The following CNEP1R1 variants were observed in gnomAD, a reference collection of about 807,000 sequenced individuals.
CNEP1R1 encodes CTD nuclear envelope phosphatase 1 regulatory subunit 1, also known as nuclear envelope phosphatase-regulatory subunit 1.
A neutral mutation model predicts 22.7 loss-of-function variants in CNEP1R1; 10 were observed. That is an observed-to-expected ratio of 0.44 (90% CI 0.27 to 0.75). The LOEUF (loss-of-function observed/expected upper bound fraction) is 0.75, where lower values mean the gene tolerates loss of function less well. CNEP1R1 is among the 30% of genes least tolerant of loss of function. The pLI is 0.17. For missense variants in CNEP1R1, 73 were observed against 151.5 expected (o/e 0.48, Z 2.72); for synonymous variants, 53 against 50.1 (o/e 1.06, Z -0.25).
In CNEP1R1 at chr16:50,035,778, T is replaced by C. The variant is rs2144285484; in HGVS notation, c.*320T>C. On this transcript the variant is annotated 3_prime_UTR_variant, in exon 6 of 6. Coordinates refer to ENST00000427478, the MANE Select transcript of CNEP1R1 (RefSeq NM_001281789.2). ...ACCTCATTCAGTTTTTATAATGTAT[T>C]TTTGCAAACTACTGTAAATAGCAAA... is the stretch of plus-strand genomic sequence containing the variant. 1 of 236,840 alleles carries C rather than the reference T, an allele frequency of 4.2e-6. No individual in the cohort carries two copies. Among genetic ancestry groups the C allele is most frequent in the East Asian group, 9.4e-5 (1 of 10,676 alleles). The allele number at this position is 236,840 out of a possible 1,614,324, so 14.7% of individuals were successfully genotyped here. A position where few individuals can be genotyped will look rare whatever the true frequency, so the allele number is the denominator to read the frequency against.
intron 3 of CNEP1R1, among the ~76,000 whole-genome samples, chr16:50,031,659 T>C (rs897579950): frequency 6.6e-6 from 1 of 152,220 alleles, no homozygotes; most frequent in African/African-American, 2.4e-5. Context: ...ACTATTCGCC[T>C]AAGGGTTGGC....
chr16:50,026,017 A>C, intron 1 of CNEP1R1: 1 of 454,628 alleles, frequency 2.2e-6, no homozygotes, highest in Non-Finnish European at 3.9e-6. Context: ...ACGTGGTTCT[A>C]ATAGGAAGTT....
At chr16:50,025,385 C>G in intron 1 of CNEP1R1, 45 bp downstream of exon 1, 1 of 1,424,812 alleles carries the variant, frequency 7.0e-7, no homozygotes, top group African/African-American at 1.5e-5. Flanking sequence ...CCCTCGGAAG[C>G]TGGCGGTGCT....
intron 3 of CNEP1R1, among the ~76,000 whole-genome samples, chr16:50,030,263 A>G (rs1278946825): frequency 6.6e-6 from 1 of 152,064 alleles, no homozygotes; most frequent in Non-Finnish European, 1.5e-5. Context: ...GTCATATAGC[A>G]AGACCCCATC....
intron 2 of CNEP1R1, among the ~76,000 whole-genome samples, chr16:50,027,787 G>C (rs1406083488): frequency 6.6e-6 from 1 of 151,972 alleles, no homozygotes; most frequent in African/African-American, 2.4e-5. Flanking sequence ...TTTGAAGTCT[G>C]ACCTAGAAAA....
intron 3 of CNEP1R1, among the ~76,000 whole-genome samples, chr16:50,030,087 C>G (rs1222029280): frequency 2.0e-5 from 3 of 151,982 alleles, no homozygotes; most frequent in Non-Finnish European, 4.4e-5. Flanking sequence ...TTTTATATCT[C>G]TCATTTTTAC....
chr16:50,034,035 G>A (rs1452401290), intron 4 of CNEP1R1, 67 bp from the exon 5 acceptor site: 31 of 1,223,752 alleles, frequency 2.5e-5, no homozygotes, highest in Non-Finnish European at 3.5e-5. Context: ...ACAGGCTTGA[G>A]CCACCGCACC....
At chr16:50,031,517 G>T (rs2036231023) in intron 3 of CNEP1R1, among the ~76,000 whole-genome samples, 1 of 152,176 alleles carries the variant, frequency 6.6e-6, no homozygotes, top group African/African-American at 2.4e-5. Context: ...AAATGAGTCT[G>T]ACTTCTAATT....
At chr16:50,026,700 C>T (rs2036186981) in intron 2 of CNEP1R1, 1 of 469,798 alleles carries the variant, frequency 2.1e-6, no homozygotes, top group East Asian at 3.8e-5. Flanking sequence ...TTTGGCCAGG[C>T]GCCGTAGCTC....
intron 1 of CNEP1R1, chr16:50,025,853 G>A: frequency 1.6e-6 from 1 of 632,508 alleles, no homozygotes; most frequent in South Asian, 1.9e-5. Flanking sequence ...CCTTCGGAGG[G>A]GGCAAGGGGA....
At chr16:50,028,666 T>C (rs561713729) in intron 2 of CNEP1R1, among the ~76,000 whole-genome samples, 1 of 152,340 alleles carries the variant, frequency 6.6e-6, no homozygotes, top group East Asian at 1.9e-4. Context: ...TCTTAGCACT[T>C]ACTTGGTTAA....
chr16:50,027,358 A>AT (rs2036194073), intron 2 of CNEP1R1, among the ~76,000 whole-genome samples: 2 of 151,988 alleles, frequency 1.3e-5, no homozygotes, highest in Admixed American at 1.3e-4. Context: ...AAATAAAAAA[A>AT]TTAGCCGGGC....
In CNEP1R1 at chr16:50,025,599, C is replaced by G. The variant is rs376681069; in HGVS notation, c.25+259C>G. 12 of 1,494,898 alleles carry G rather than the reference C, an allele frequency of 8.0e-6. No individual in the cohort carries two copies. In the African/African-American group the frequency reaches 1.2e-4, roughly 15 times the overall value. 92.6% of individuals were successfully genotyped at this position (1,494,898 alleles called of 1,614,324 possible). A position where few individuals can be genotyped will look rare whatever the true frequency, so the allele number is the denominator to read the frequency against. On this transcript the variant is annotated intron_variant, in intron 1 of 5. Transcript: ENST00000427478. Reference sequence around the variant, plus strand: ...TTTATTTTCTTTTCACTGGCAGACACTTGCACTTCGTGCATTGCAGCCTGC... The same window carrying G: ...TTTATTTTCTTTTCACTGGCAGACAGTTGCACTTCGTGCATTGCAGCCTGC...
intron 3 of CNEP1R1, among the ~76,000 whole-genome samples, chr16:50,032,743 G>A (rs1282879163): frequency 2.0e-5 from 3 of 152,170 alleles, no homozygotes; most frequent in Non-Finnish European, 2.9e-5. Context: ...GGTGGTTCAC[G>A]CCTGTAATCC....
At chr16:50,031,188 A>C (rs1225727380) in intron 3 of CNEP1R1, among the ~76,000 whole-genome samples, 1 of 152,188 alleles carries the variant, frequency 6.6e-6, no homozygotes, top group Non-Finnish European at 1.5e-5. Context: ...CTCTATTTGT[A>C]CCTTTTAGGT....
intron 1 of CNEP1R1, 191 bp downstream of exon 1, chr16:50,025,531 T>G (rs188908128): frequency 1.6e-5 from 18 of 1,120,788 alleles, no homozygotes; most frequent in Non-Finnish European, 3.9e-6. Flanking sequence ...GCTCCCTGAG[T>G]CCCCACAAAC....
rs1597120367 is a variant in CNEP1R1, at chr16:50,035,589, A to C, written c.*131A>C. On this transcript the variant is annotated 3_prime_UTR_variant, in exon 6 of 6. Coordinates refer to ENST00000427478, the MANE Select transcript of CNEP1R1 (RefSeq NM_001281789.2). ...TAGCAGCAACTGACAAGAAGTGTGCAATATTTACCTGGATTATCTTGATGA... is the reference window on the plus strand; with the variant it reads ...TAGCAGCAACTGACAAGAAGTGTGCCATATTTACCTGGATTATCTTGATGA... 3.1e-6 allele frequency: 2 copies of C among 637,708 alleles called. No homozygotes were observed. The allele number at this position is 637,708 out of a possible 1,614,324, so 39.5% of individuals were successfully genotyped here. A position where few individuals can be genotyped will look rare whatever the true frequency, so the allele number is the denominator to read the frequency against.
intron 4 of CNEP1R1, among the ~76,000 whole-genome samples, chr16:50,033,780 C>T (rs1597119340): frequency 6.6e-6 from 1 of 150,866 alleles, no homozygotes; most frequent in East Asian, 2.0e-4. Flanking sequence ...GGGAGAATCG[C>T]TTGAACCCGG....
intron 5 of CNEP1R1, 28 bp downstream of exon 5, chr16:50,034,184 T>A: frequency 6.7e-7 from 1 of 1,494,664 alleles, no homozygotes; most frequent in South Asian, 1.2e-5. Context: ...TAGAAAATTA[T>A]AGACCTGCAT....
Sources: gnomAD v4.1 joint callset for allele counts (sites outside exome capture counted in the v4.1 genomes callset) on GRCh38, gnomAD v4.1.1 for gene constraint, MANE v1.5 for transcripts, NCBI Gene and HGNC (gene_info 2026-07-23, HGNC 2026-07-21) for gene names.